Variants in CACNA2D1 observed in about 807,000 individuals in gnomAD.
CACNA2D1 encodes voltage-dependent calcium channel subunit alpha-2/delta-1.
Under a neutral mutation model 171.5 loss-of-function variants are expected in CACNA2D1, and 53 were observed. The observed-to-expected ratio is 0.31, with a 90% confidence interval of 0.25 to 0.39. The LOEUF is 0.39. Ranked by LOEUF, CACNA2D1 falls within the 10% of genes least tolerant of loss-of-function variation. The pLI is 1.00. For synonymous variants in CACNA2D1, 442 were observed against 443.1 expected (o/e 1.00, Z 0.03); for missense variants, 903 against 1,299.8 (o/e 0.69, Z 4.69).
chr7:82,295,250 TAGAC>T (rs144891788), intron 3 of CACNA2D1, among the ~76,000 whole-genome samples: 6,399 of 152,172 alleles, frequency 0.042, 448 homozygotes, highest in African/African-American at 0.14. Flanking sequence ...AAATTTCAGT[TAGAC>T]AGGTGGAATA....
At chr7:82,186,825 C>T (rs1454743728) in intron 3 of CACNA2D1, among the ~76,000 whole-genome samples, 1 of 152,086 alleles carries the variant, frequency 6.6e-6, no homozygotes, top group Non-Finnish European at 1.5e-5. Flanking sequence ...TGGATTTAGA[C>T]ACAGATTTGA....
intron 6 of CACNA2D1, among the ~76,000 whole-genome samples, chr7:82,087,691 A>C (rs1302351105): frequency 6.6e-6 from 1 of 152,130 alleles, no homozygotes; most frequent in Non-Finnish European, 1.5e-5. Flanking sequence ...TATTTGACTA[A>C]TAAACCTATA....
At chr7:82,112,324 G>A (rs1788567442) in intron 6 of CACNA2D1, among the ~76,000 whole-genome samples, 1 of 152,080 alleles carries the variant, frequency 6.6e-6, no homozygotes, top group Non-Finnish European at 1.5e-5. Flanking sequence ...TAATTACAAA[G>A]AATAACATTA....
chr7:82,053,377 A>G (rs1400578720), intron 10 of CACNA2D1, among the ~76,000 whole-genome samples: 3 of 151,878 alleles, frequency 2.0e-5, no homozygotes, highest in African/African-American at 7.3e-5. Flanking sequence ...TTTTCTGAGG[A>G]GCAAATCTAT....
chr7:82,075,707 GTTTATA>G (rs147079239), intron 7 of CACNA2D1, among the ~76,000 whole-genome samples: 1,728 of 152,248 alleles, frequency 0.011, 28 homozygotes, highest in African/African-American at 0.04. Context: ...TTCTTTAAAA[GTTTATA>G]TTTAGCATAT....
chr7:82,320,798 A>T (rs1815717583), intron 3 of CACNA2D1, among the ~76,000 whole-genome samples: 1 of 152,038 alleles, frequency 6.6e-6, no homozygotes. Context: ...ATGTGTAAAG[A>T]TGTGCTATAA....
chr7:82,252,140 C>T (rs1459380804), intron 3 of CACNA2D1, among the ~76,000 whole-genome samples: 1 of 152,150 alleles, frequency 6.6e-6, no homozygotes, highest in Non-Finnish European at 1.5e-5. Flanking sequence ...GTATGCTTTG[C>T]AAGGGGCAAA....
At position 81,946,917 on chromosome 7, in the gene CACNA2D1, G is replaced by C. The variant is rs1009136769; in HGVS notation, c.*3475C>G. ...ATATTGGTTTGCTCTTTACAGAAAT[G>C]TACTGTGAATATTGACATTCTGCTA... On this transcript the variant is annotated 3_prime_UTR_variant, in exon 39 of 39. Transcript: ENST00000356860. 2 of 151,976 alleles carry C rather than the reference G, an allele frequency of 1.3e-5. No homozygotes were observed. The highest frequency in any genetic ancestry group is 2.4e-5 in the African/African-American group (1 of 41,402). The allele number at this position is 151,976 out of a possible 1,614,324, so 9.4% of individuals were successfully genotyped here. A position where few individuals can be genotyped will look rare whatever the true frequency, so the allele number is the denominator to read the frequency against.
At chr7:82,000,186 G>A (rs771445575) in intron 18 of CACNA2D1, among the ~76,000 whole-genome samples, 1 of 152,128 alleles carries the variant, frequency 6.6e-6, no homozygotes, top group African/African-American at 2.4e-5. Context: ...ATGAACCCAG[G>A]AGGGAGAGGT....
Position 82,293,073 on chromosome 7 carries a change from T to C in CACNA2D1, c.294+42062A>G, listed in dbSNP as rs202077453. 7.8e-4 allele frequency among the ~76,000 whole-genome samples: 118 copies of C among 152,116 alleles called. 3 individuals are homozygous for C. The highest frequency in any genetic ancestry group is 3.9e-3 in the East Asian group (20 of 5,148). On this transcript the variant is annotated intron_variant, in intron 3 of 38. Transcript: ENST00000356860. ...TCTTCTATTTTTTATTTCTTTGCCT[T>C]TTTTCTAGGAGAGTCTCCTTAACTT...
chr7:82,265,423 T>A (rs1197119057), intron 3 of CACNA2D1, among the ~76,000 whole-genome samples: 1 of 148,240 alleles, frequency 6.7e-6, no homozygotes, highest in Non-Finnish European at 1.5e-5. Flanking sequence ...TTTCTTTTTT[T>A]TTTTTTTTTT....
chr7:81,988,082 G>A (rs1466861477), intron 21 of CACNA2D1, among the ~76,000 whole-genome samples: 2 of 152,128 alleles, frequency 1.3e-5, no homozygotes, highest in Admixed American at 1.3e-4. Flanking sequence ...ATAACTGTAG[G>A]AGAGCCAACT....
intron 12 of CACNA2D1, among the ~76,000 whole-genome samples, chr7:82,031,247 TA>T (rs1802661971): frequency 6.6e-6 from 1 of 151,866 alleles, no homozygotes. Context: ...TAAAGGAGCC[TA>T]CAGTGGCAAG....
At chr7:82,151,906 A>G (rs1050895204) in intron 4 of CACNA2D1, among the ~76,000 whole-genome samples, 2 of 152,126 alleles carry the variant, frequency 1.3e-5, no homozygotes, top group African/African-American at 4.8e-5. Context: ...TAACCTTTAC[A>G]GACACAATTC....
intron 4 of CACNA2D1, among the ~76,000 whole-genome samples, chr7:82,165,439 T>C (rs1584973413): frequency 1.3e-5 from 2 of 152,022 alleles, no homozygotes; most frequent in African/African-American, 4.8e-5. Flanking sequence ...GAAACCAGTG[T>C]TTTTGACTAG....
intron 3 of CACNA2D1, among the ~76,000 whole-genome samples, chr7:82,312,279 T>C (rs1028745828): frequency 1.3e-5 from 2 of 152,316 alleles, no homozygotes; most frequent in Non-Finnish European, 2.9e-5. Context: ...ACCTGCAATC[T>C]GGACTGAATC....
chr7:82,415,666 T>C (rs775668818), intron 1 of CACNA2D1, among the ~76,000 whole-genome samples: 29 of 152,286 alleles, frequency 1.9e-4, no homozygotes, highest in South Asian at 1.2e-3. Context: ...CACATAAGAC[T>C]TTGAATTTTG....
At chr7:82,154,621 C>CA (rs999934530) in intron 4 of CACNA2D1, among the ~76,000 whole-genome samples, 5 of 152,074 alleles carry the variant, frequency 3.3e-5, no homozygotes, top group African/African-American at 9.6e-5. Flanking sequence ...GGTATGCACA[C>CA]AAAAAATACA....
intron 3 of CACNA2D1, among the ~76,000 whole-genome samples, chr7:82,204,185 TA>T (rs1472524393): frequency 6.6e-6 from 1 of 152,174 alleles, no homozygotes; most frequent in African/African-American, 2.4e-5. Context: ...TATGGTTTGA[TA>T]CCAGGTGTGG....
Sources: allele counts gnomAD v4.1 joint callset (sites outside exome capture counted in the v4.1 genomes callset), GRCh38; gene constraint gnomAD v4.1.1; transcripts MANE v1.5; gene names NCBI Gene and HGNC (gene_info 2026-07-23, HGNC 2026-07-21).